The following PDE10A variants were observed in gnomAD, a reference collection of about 807,000 sequenced individuals.
PDE10A encodes the protein phosphodiesterase 10A.
A neutral mutation model predicts 97.7 loss-of-function variants in PDE10A; 39 were observed. That is an observed-to-expected ratio of 0.40 (90% CI 0.31 to 0.52). PDE10A has a LOEUF of 0.52. Ranked by LOEUF, PDE10A falls within the 20% of genes least tolerant of loss-of-function variation. The pLI, the probability that PDE10A is intolerant of heterozygous loss-of-function variation, is 0.56. For missense variants in PDE10A, 731 were observed against 1,047.8 expected (o/e 0.70, Z 4.17); for synonymous variants, 371 against 376.8 (o/e 0.98, Z 0.18).
At chr6:165,452,894 G>A in intron 3 of PDE10A, among the ~76,000 whole-genome samples, 1 of 135,326 alleles carries the variant, frequency 7.4e-6, no homozygotes. Context: ...ATTCTGGTGA[G>A]GGTTTAGAAA....
At chr6:165,981,158 T>A (rs1303226166) in intron 1 of PDE10A, among the ~76,000 whole-genome samples, 1 of 151,790 alleles carries the variant, frequency 6.6e-6, no homozygotes, top group Non-Finnish European at 1.5e-5. Context: ...TAAAGAAGAG[T>A]CCCTGCTGTA....
chr6:165,942,987 C>G (rs1278095452), intron 1 of PDE10A, among the ~76,000 whole-genome samples: 2 of 151,618 alleles, frequency 1.3e-5, no homozygotes, highest in Non-Finnish European at 2.9e-5. Context: ...AAGGATGGAT[C>G]TCACACACAT....
In PDE10A at chr6:165,954,669, C is replaced by T. The variant is rs112558932; in HGVS notation, c.-615+32860G>A. ...CTTCATCTTGGCTGCGCCTCAGTTG[C>T]AAGGCGGGCACAGCAACAGGTAGGC... On this transcript the variant is annotated intron_variant, in intron 1 of 19. Coordinates refer to the PDE10A transcript ENST00000366882. Among the ~76,000 whole-genome samples the T allele has an allele frequency of 8.6e-3, 1,315 of 152,228 alleles. 18 individuals are homozygous for T. Among genetic ancestry groups the T allele is most frequent in the African/African-American group, 0.03 (1,246 of 41,546 alleles).
At chr6:165,901,304 C>A (rs150826649) in intron 1 of PDE10A, among the ~76,000 whole-genome samples, 1 of 152,226 alleles carries the variant, frequency 6.6e-6, no homozygotes, top group African/African-American at 2.4e-5. Flanking sequence ...TTATGCCCAG[C>A]TCCACACCAG....
upstream of PDE10A, among the ~76,000 whole-genome samples, chr6:165,668,128 T>C (rs960859271): frequency 6.6e-6 from 1 of 152,234 alleles, no homozygotes; most frequent in Non-Finnish European, 1.5e-5. Flanking sequence ...CAGTGTGAGA[T>C]AATTATATTT....
At chr6:165,913,273 T>TACACACAC (rs58740333) in intron 1 of PDE10A, among the ~76,000 whole-genome samples, 2,849 of 147,966 alleles carry the variant, frequency 0.019, 84 homozygotes, top group African/African-American at 0.062. Flanking sequence ...ACTCAACTTG[T>TACACACAC]ACACACACAC....
At chr6:165,386,694 T>C (rs1248099813) in intron 17 of PDE10A, among the ~76,000 whole-genome samples, 2 of 152,096 alleles carry the variant, frequency 1.3e-5, no homozygotes, top group East Asian at 1.9e-4. Flanking sequence ...CACAAGCCTT[T>C]TATCCTGCTT....
At chr6:165,590,741 A>G (rs1037782466) in intron 1 of PDE10A, among the ~76,000 whole-genome samples, 2 of 152,282 alleles carry the variant, frequency 1.3e-5, no homozygotes. Flanking sequence ...AATACAAAAA[A>G]TAAGCCGGGC....
Position 165,407,459 on chromosome 6 carries a change from C to T in PDE10A, c.2076+6042G>A, listed in dbSNP as rs1002027030. Among the ~76,000 whole-genome samples the T allele has an allele frequency of 2.6e-5, 4 of 152,120 alleles. 1 individual carries two copies. In the South Asian group the frequency reaches 8.3e-4, roughly 32 times the overall value. ...TGGGAGAACATACAAAAAGAGATTT[C>T]GTATGTAAAGTGTCTAGAACAATTC... On this transcript the variant is annotated intron_variant, in intron 13 of 21. Transcript: ENST00000539869.
At chr6:165,961,949 C>A (rs1008042078) in intron 1 of PDE10A, among the ~76,000 whole-genome samples, 2 of 152,226 alleles carry the variant, frequency 1.3e-5, no homozygotes, top group African/African-American at 4.8e-5. Flanking sequence ...TTTTGTGGAG[C>A]ATTATTTGCC....
chr6:165,542,612 C>CTTTTTTTTTTTTTTTTTTTTTTTTTTTT (rs545149187), intron 2 of PDE10A, among the ~76,000 whole-genome samples: 15 of 76,456 alleles, frequency 2.0e-4, no homozygotes, highest in East Asian at 1.1e-3. Context: ...TGTCCTTGTT[C>CTTTTTTTTTTTTTTTTTTTTTTTTTTTT]TTTTTTTTTT....
intron 19 of PDE10A, among the ~76,000 whole-genome samples, chr6:165,340,138 T>C (rs191861674): frequency 2.0e-5 from 3 of 152,346 alleles, no homozygotes; most frequent in Admixed American, 6.5e-5. Flanking sequence ...TATTATTTCA[T>C]TTAATCCTTA....
At chr6:165,622,908 C>T (rs1788212619) in intron 1 of PDE10A, among the ~76,000 whole-genome samples, 1 of 152,098 alleles carries the variant, frequency 6.6e-6, no homozygotes, top group Non-Finnish European at 1.5e-5. Context: ...GTGCTGTCTT[C>T]ATGATAGTGA....
chr6:165,968,028 G>A (rs932244597), intron 1 of PDE10A, among the ~76,000 whole-genome samples: 1 of 152,230 alleles, frequency 6.6e-6, no homozygotes, highest in African/African-American at 2.4e-5. Context: ...GATGTCCAAG[G>A]TTAGGAGACA....
intron 1 of PDE10A, among the ~76,000 whole-genome samples, chr6:165,782,903 A>G (rs1778382644): frequency 6.6e-6 from 1 of 152,180 alleles, no homozygotes; most frequent in South Asian, 2.1e-4. Flanking sequence ...GCTGCTGCGT[A>G]TGAAGGAAAG....
At chr6:165,895,385 A>G (rs1781915207) in intron 1 of PDE10A, among the ~76,000 whole-genome samples, 1 of 152,142 alleles carries the variant, frequency 6.6e-6, no homozygotes, top group South Asian at 2.1e-4. Flanking sequence ...ACCTCAAGCC[A>G]AGGACTGCCC....
intron 1 of PDE10A, among the ~76,000 whole-genome samples, chr6:165,644,200 C>T (rs1269173183): frequency 2.0e-5 from 3 of 151,246 alleles, no homozygotes; most frequent in East Asian, 2.0e-4. Flanking sequence ...GGACTACAGG[C>T]GCCCGCCACC....
intron 1 of PDE10A, among the ~76,000 whole-genome samples, chr6:165,606,006 T>C (rs1031764912): frequency 6.6e-6 from 1 of 152,154 alleles, no homozygotes; most frequent in Non-Finnish European, 1.5e-5. Context: ...ATTCATCTTT[T>C]GATCCTCAGA....
chr6:165,984,153 C>T (rs897697948), intron 1 of PDE10A, among the ~76,000 whole-genome samples: 3 of 152,066 alleles, frequency 2.0e-5, no homozygotes, highest in Non-Finnish European at 2.9e-5. Context: ...AATCTTTAGA[C>T]ATTTTTATGC....
Sources: allele counts gnomAD v4.1 joint callset (sites outside exome capture counted in the v4.1 genomes callset), GRCh38; gene constraint gnomAD v4.1.1; transcripts MANE v1.5; gene names NCBI Gene and HGNC (gene_info 2026-07-23, HGNC 2026-07-21).